Variants in APBB3 observed in about 807,000 individuals in gnomAD.
The protein encoded by APBB3 is amyloid beta precursor protein binding family B member 3.
APBB3 carries 50 observed loss-of-function variants against 61.5 expected under a neutral mutation model. The observed-to-expected ratio is 0.81, with a 90% CI of 0.65 to 1.03. The LOEUF is 1.03. APBB3 is among the 50% of genes least tolerant of loss of function. APBB3 has a pLI of 0.00. For missense variants in APBB3, 550 were observed against 637.4 expected (o/e 0.86, Z 1.48); for synonymous variants, 235 against 233.0 (o/e 1.01, Z -0.08).
In APBB3 at chr5:140,560,845, A is replaced by G. The variant is rs187058874; in HGVS notation, c.917-91T>C. 7 of 1,421,938 alleles carry G rather than the reference A, an allele frequency of 4.9e-6. No homozygotes were observed. Among genetic ancestry groups the G allele is most frequent in the African/African-American group, 1.4e-5 (1 of 71,534 alleles). The allele number at this position is 1,421,938 out of a possible 1,614,324, so 88.1% of individuals were successfully genotyped here. On this transcript the variant is annotated intron_variant, in intron 10 of 12. Coordinates refer to ENST00000357560, the MANE Select transcript of APBB3 (RefSeq NM_133173.3). This position sits in a 1 kb window ranked among gnomAD's most constrained non-coding sequence, Gnocchi z 5.1. ...CCTCTCACTGATTTGGGATTCAGAG[A>G]TAGGGAATAGGATAGCTGGGGCAAG...
Position 140,560,542 on chromosome 5 carries a change from C to G in APBB3, c.1033-38G>C. On this transcript the variant is annotated intron_variant, in intron 11 of 12. Coordinates refer to ENST00000357560, the MANE Select transcript of APBB3 (RefSeq NM_133173.3). This position sits in a 1 kb window ranked among gnomAD's most constrained non-coding sequence, Gnocchi z 5.1. The stretch of plus-strand genomic sequence containing the variant: ...GGCCTAGTCACTAGAGGGCCAAGCA[C>G]GGGCCAGACCCACTTAACTTTTCCG... 6.2e-7 allele frequency: 1 copy of G among 1,605,062 alleles called. No homozygotes were observed. The highest frequency in any genetic ancestry group is 8.5e-7 in the Non-Finnish European group (1 of 1,173,730).
At position 140,562,698 on chromosome 5, in the gene APBB3, C is replaced by T. The variant is rs767954170; in HGVS notation, c.316G>A (p.Glu106Lys). 6.2e-7 allele frequency: 1 copy of T among 1,614,220 alleles called. No individual in the cohort carries two copies. Among genetic ancestry groups the T allele is most frequent in the South Asian group, 1.1e-5 (1 of 91,078 alleles). The part of the protein sequence containing the change: ...RSNSLSWYGG[E>K]SYIQSMEPGA... Reference sequence around the variant, plus strand: ...GGCTCCATGCTCTGGATGTAGGATTCCCCACCATACCAGGACAGAGAGTTA... The same window carrying T: ...GGCTCCATGCTCTGGATGTAGGATTTCCCACCATACCAGGACAGAGAGTTA... The change falls in exon 4 of 13, where the codon GAA becomes AAA. Residue 106 changes from glutamate (E) to lysine (K), a missense_variant. Coordinates refer to ENST00000357560, the MANE Select transcript of APBB3 (RefSeq NM_133173.3).
chr5:140,560,992 C>G lies in APBB3; in HGVS notation c.916+26G>C. 4 of 1,608,194 alleles carry G rather than the reference C, an allele frequency of 2.5e-6. No individual in the cohort carries two copies. The highest frequency in any genetic ancestry group is 2.5e-6 in the Non-Finnish European group (3 of 1,178,766). On this transcript the variant is annotated intron_variant, in intron 10 of 12. Coordinates refer to ENST00000357560, the MANE Select transcript of APBB3 (RefSeq NM_133173.3). The surrounding 1 kb of genome is among the most constrained non-coding windows in gnomAD (Gnocchi z 5.1). ...CCTTCCCCTTGCCTCACACAGCCCA[C>G]CACATGCAGCCCCCTCAGTCCTCAC...
chr5:140,563,948 A>G (rs369741521), intron 1 of APBB3, 33 bp from the exon 2 acceptor site: 9 of 1,599,880 alleles, frequency 5.6e-6, no homozygotes, highest in East Asian at 2.2e-5. Context: ...AGGAGGGAGC[A>G]TATGATTTGT....
intron 3 of APBB3, 59 bp from the exon 4 acceptor site, chr5:140,562,782 G>A (rs2127133002): frequency 1.3e-6 from 2 of 1,556,728 alleles, no homozygotes; most frequent in Admixed American, 1.7e-5. Context: ...ACACTGGTGA[G>A]GCCTAGACAA....
chr5:140,559,880 A>G (rs1183162185), intron 12 of APBB3, among the ~76,000 whole-genome samples: 1 of 152,220 alleles, frequency 6.6e-6, no homozygotes, highest in East Asian at 1.9e-4. Flanking sequence ...GGTGTCTGGG[A>G]CCCTGTAGGC....
chr5:140,562,552 G>A (rs1755011171), intron 4 of APBB3, 53 bp from the exon 5 acceptor site: 2 of 1,609,928 alleles, frequency 1.2e-6, no homozygotes, highest in Admixed American at 3.3e-5. Context: ...TAGGGTGGCA[G>A]GTGCCACAAT....
Position 140,558,746 on chromosome 5 carries a change from G to C in APBB3, c.1300C>G (p.Arg434Gly), listed in dbSNP as rs758829612. 1 of 1,605,958 alleles carries C rather than the reference G, an allele frequency of 6.2e-7. No homozygotes were observed. Among genetic ancestry groups the C allele is most frequent in the East Asian group, 2.2e-5 (1 of 44,842 alleles). ...TCCATGGAGCTGGTCCGCTTGAGCCGCAGGCGGGCACGGGCCTGGGCACCC... is the reference window on the plus strand; with the variant it reads ...TCCATGGAGCTGGTCCGCTTGAGCCCCAGGCGGGCACGGGCCTGGGCACCC... ...AWGAQARARL[R>G]LKRTSSMDSP... The change falls in exon 13 of 13, where the codon CGG becomes GGG. Residue 434 changes from arginine to glycine, a missense_variant. By Grantham distance (125) the Arg-to-Gly change is moderately radical. Coordinates refer to ENST00000357560, the MANE Select transcript of APBB3 (RefSeq NM_133173.3).
chr5:140,561,475 C>T (rs1754951243), intron 8 of APBB3, 26 bp from the exon 9 acceptor site: 1 of 1,613,974 alleles, frequency 6.2e-7, no homozygotes, highest in African/African-American at 1.3e-5. Flanking sequence ...GCCAGCATGA[C>T]CCACAGGGAG....
At chr5:140,559,061 G>C (rs1294734296) in intron 12 of APBB3, among the ~76,000 whole-genome samples, 1 of 152,200 alleles carries the variant, frequency 6.6e-6, no homozygotes, top group African/African-American at 2.4e-5. Context: ...AGTTATTTAT[G>C]AGGGGTTATT....
At position 140,564,355 on chromosome 5, in the gene APBB3, G is replaced by A. The variant is rs1413533057; in HGVS notation, c.-110C>T. ...GCCTCTCTGCGCCGCAGGCTGCGGG[G>A]CCAGCTGGCGCCGCACAAATACGGG... On this transcript the variant is annotated 5_prime_UTR_variant, in exon 1 of 13. Coordinates refer to ENST00000357560, the MANE Select transcript of APBB3 (RefSeq NM_133173.3). The surrounding 1 kb of genome is among the most constrained non-coding windows in gnomAD (Gnocchi z 5.0). 8 of 1,348,286 alleles carry A rather than the reference G, an allele frequency of 5.9e-6. No homozygotes were observed. The East Asian group carries it at 1.5e-4, about 25-fold the overall frequency. The allele number at this position is 1,348,286 out of a possible 1,614,324, so 83.5% of individuals were successfully genotyped here. A position where few individuals can be genotyped will look rare whatever the true frequency, so the allele number is the denominator to read the frequency against.
rs1754950759 is a variant in APBB3, at chr5:140,561,469, G to C, written c.748-20C>G. 1.2e-6 allele frequency: 2 copies of C among 1,614,076 alleles called. No homozygotes were observed. The highest frequency in any genetic ancestry group is 1.7e-6 in the Non-Finnish European group (2 of 1,179,968). Reference sequence around the variant, plus strand: ...CAAGATCTAAAACACAATGAAGCCAGCATGACCCACAGGGAGAGAGGGGAA... The same window carrying C: ...CAAGATCTAAAACACAATGAAGCCACCATGACCCACAGGGAGAGAGGGGAA... On this transcript the variant is annotated intron_variant, in intron 8 of 12. Transcript: ENST00000357560.
At chr5:140,561,911 A>T (rs753692281) in intron 6 of APBB3, 62 bp from the exon 7 acceptor site, 2 of 1,613,064 alleles carry the variant, frequency 1.2e-6, no homozygotes, top group Admixed American at 3.3e-5. Flanking sequence ...ACTCTCCCCA[A>T]ACTGTCCCTG....
chr5:140,564,049 G>T lies in APBB3; in HGVS notation c.50-134C>A. Reference sequence around the variant, plus strand: ...AAGATCCAGGCTCCTCAATCTTGAAGACATCACATGTAAAGACCGGGTTCA... The same window carrying T: ...AAGATCCAGGCTCCTCAATCTTGAATACATCACATGTAAAGACCGGGTTCA... On this transcript the variant is annotated intron_variant, in intron 1 of 12. Coordinates refer to ENST00000357560, the MANE Select transcript of APBB3 (RefSeq NM_133173.3). The surrounding 1 kb of genome is among the most constrained non-coding windows in gnomAD (Gnocchi z 5.0). 6.8e-7 allele frequency: 1 copy of T among 1,461,940 alleles called. No individual in the cohort carries two copies. The highest frequency in any genetic ancestry group is 9.3e-7 in the Non-Finnish European group (1 of 1,076,632). 90.6% of individuals were successfully genotyped at this position (1,461,940 alleles called of 1,614,324 possible).
In APBB3 at chr5:140,558,797, C is replaced by T. The variant is rs776227488; in HGVS notation, c.1249G>A (p.Ala417Thr). The change falls in exon 13 of 13, where the codon GCC becomes ACC. Residue 417 changes from alanine (A) to threonine (T), a missense_variant. Transcript: ENST00000357560. ...CAGGCCTTGCCTCGAGCTGCAGAGG[C>T]CACAAGACACTTCTGGTACTGAACC... is the stretch of plus-strand genomic sequence containing the variant. ...CMVQYQKCLV[A>T]SAARGKAWGA... 6.2e-7 allele frequency: 1 copy of T among 1,612,398 alleles called. No homozygotes were observed. The highest frequency in any genetic ancestry group is 1.7e-5 in the Admixed American group (1 of 59,876).
chr5:140,564,112 C>A lies in APBB3; in HGVS notation c.49+85G>T. 6.3e-7 allele frequency: 1 copy of A among 1,585,188 alleles called. No homozygotes were observed. The highest frequency in any genetic ancestry group is 1.1e-5 in the South Asian group (1 of 89,154). On this transcript the variant is annotated intron_variant, in intron 1 of 12. Transcript: ENST00000357560. This position sits in a 1 kb window ranked among gnomAD's most constrained non-coding sequence, Gnocchi z 5.0. ...TCCCTACACAGAGAGGTATCCCCCA[C>A]CGTCTTTGAGCCCCAGAGTAGCCTT... is the stretch of plus-strand genomic sequence containing the variant.
At chr5:140,563,188 T>C (rs560408128) in intron 3 of APBB3, 64 of 289,778 alleles carry the variant, frequency 2.2e-4, no homozygotes, top group African/African-American at 1.4e-3. Context: ...GAGGTTGCAG[T>C]GAGCCAAGAT....
intron 4 of APBB3, 47 bp downstream of exon 4, chr5:140,562,616 T>G: frequency 2.5e-6 from 4 of 1,612,658 alleles, no homozygotes; most frequent in Non-Finnish European, 3.4e-6. Flanking sequence ...ATCCCACCCT[T>G]GTCTTTCCCT....
intron 9 of APBB3, 112 bp downstream of exon 9, chr5:140,561,253 C>G: frequency 2.0e-6 from 3 of 1,470,220 alleles, no homozygotes; most frequent in Non-Finnish European, 2.8e-6. Context: ...ATCCCTGAGA[C>G]CAGACATCTC....
Sources: allele counts gnomAD v4.1 joint callset (sites outside exome capture counted in the v4.1 genomes callset), GRCh38; gene constraint gnomAD v4.1.1; non-coding constraint Gnocchi (gnomAD v3.1); transcripts MANE v1.5; gene names NCBI Gene and HGNC (gene_info 2026-07-23, HGNC 2026-07-21).